CLTA: variants seen among roughly 807,000 people sequenced by gnomAD.
The protein encoded by CLTA is clathrin light chain A.
In CLTA, 9 loss-of-function variants were observed where a neutral mutation model predicts 26.9. The ratio of observed to expected loss-of-function variants is 0.33; its 90% CI spans 0.20 to 0.58. The LOEUF (loss-of-function observed/expected upper bound fraction) is 0.58. CLTA is among the 20% of genes least tolerant of loss of function. CLTA has a pLI of 0.85. For synonymous variants in CLTA, 120 were observed against 115.5 expected (o/e 1.04, Z -0.25); for missense variants, 278 against 294.2 (o/e 0.94, Z 0.40).
In CLTA at chr9:36,211,250, T is replaced by C. The variant is rs542424734; in HGVS notation, c.486-353T>C. Among the ~76,000 whole-genome samples, 5 of 152,334 alleles carry C rather than the reference T, an allele frequency of 3.3e-5. No individual in the cohort carries two copies. The South Asian group carries it at 1.0e-3, about 32-fold the overall frequency. ...TTCAGTACAGCCCAGCATAAACTAC[T>C]CAAGTTCTTGATCAGCCTGCTGCTT... On this transcript the variant is annotated intron_variant, in intron 4 of 4. Transcript: ENST00000345519.
chr9:36,207,165 G>A (rs1215162853), intron 4 of CLTA, among the ~76,000 whole-genome samples: 3 of 152,168 alleles, frequency 2.0e-5, no homozygotes, highest in Non-Finnish European at 2.9e-5. Flanking sequence ...TGGGTGTGCT[G>A]TACTCTATTG....
chr9:36,197,174 A>C (rs142961455), intron 1 of CLTA, among the ~76,000 whole-genome samples: 1 of 152,216 alleles, frequency 6.6e-6, no homozygotes, highest in African/African-American at 2.4e-5. Context: ...GACTGTCTCA[A>C]AGATGAAGCT....
At chr9:36,191,738 A>G (rs1013560172) in intron 1 of CLTA, among the ~76,000 whole-genome samples, 6 of 152,260 alleles carry the variant, frequency 3.9e-5, no homozygotes, top group Non-Finnish European at 8.8e-5. Flanking sequence ...GTAGCAATGC[A>G]GTTCAGCATT....
chr9:36,204,276 G>T lies in CLTA; in HGVS notation c.485+97G>T, dbSNP rs932002088. On this transcript the variant is annotated intron_variant, in intron 4 of 4. Transcript: ENST00000345519. ...CGGTTTTTGGCTTCTGCCTCCTTTA[G>T]TGTGAAATGTCTGCAGTTTTTAAAG... The T allele has an allele frequency of 5.3e-6, 7 of 1,314,396 alleles. No individual in the cohort carries two copies. In the African/African-American group the frequency reaches 8.9e-5, roughly 17 times the overall value. The allele number at this position is 1,314,396 out of a possible 1,614,324, so 81.4% of individuals were successfully genotyped here. A position where few individuals can be genotyped will look rare whatever the true frequency, so the allele number is the denominator to read the frequency against.
rs545910450 is a variant in CLTA, at chr9:36,190,945, C to A, written c.-112C>A. 32 of 1,427,150 alleles carry A rather than the reference C, an allele frequency of 2.2e-5. No homozygotes were observed. In the Admixed American group the frequency reaches 2.4e-4, roughly 11 times the overall value. 88.4% of individuals were successfully genotyped at this position (1,427,150 alleles called of 1,614,324 possible). On this transcript the variant is annotated 5_prime_UTR_variant, in exon 1 of 5. Transcript: ENST00000345519. ...TCCGCTTTACCCGTCTCCCTCCTGG[C>A]GCTTGTCCTCCTCTCCCAGTCGGCA...
chr9:36,203,504 A>G (rs1461986459), intron 3 of CLTA, among the ~76,000 whole-genome samples: 1 of 152,142 alleles, frequency 6.6e-6, no homozygotes, highest in Non-Finnish European at 1.5e-5. Context: ...TAATTGTCCT[A>G]ATAGCACCCT....
intron 3 of CLTA, among the ~76,000 whole-genome samples, chr9:36,202,748 G>T (rs1162854189): frequency 3.3e-5 from 5 of 152,114 alleles, no homozygotes; most frequent in Admixed American, 3.3e-4. Context: ...CCAGACAGAA[G>T]AACTTGTTTA....
chr9:36,210,650 A>T, intron 4 of CLTA: 1 of 1,614,198 alleles, frequency 6.2e-7, no homozygotes. Flanking sequence ...TCCTTGCTAC[A>T]GCCTAGAACA....
chr9:36,202,481 G>A (rs1194528266), intron 3 of CLTA, among the ~76,000 whole-genome samples: 2 of 152,212 alleles, frequency 1.3e-5, no homozygotes, highest in African/African-American at 2.4e-5. Flanking sequence ...CAGATCACTG[G>A]TGGTCACGTT....
At chr9:36,202,984 A>G (rs1364392048) in intron 3 of CLTA, among the ~76,000 whole-genome samples, 1 of 151,870 alleles carries the variant, frequency 6.6e-6, no homozygotes, top group African/African-American at 2.4e-5. Flanking sequence ...GGCATGCACC[A>G]CCACATCCAG....
intron 4 of CLTA, among the ~76,000 whole-genome samples, chr9:36,205,360 G>T (rs1827655712): frequency 6.6e-6 from 1 of 152,128 alleles, no homozygotes; most frequent in Admixed American, 6.5e-5. Context: ...GCTACGTGGG[G>T]CTGTTGTTGA....
chr9:36,197,057 C>T (rs1333278763), intron 1 of CLTA, among the ~76,000 whole-genome samples: 1 of 152,184 alleles, frequency 6.6e-6, no homozygotes, highest in Non-Finnish European at 1.5e-5. Flanking sequence ...TGCCTGCAAT[C>T]CCAGCTCCTG....
chr9:36,210,115 T>G (rs1477483968), intron 4 of CLTA, among the ~76,000 whole-genome samples: 3 of 148,960 alleles, frequency 2.0e-5, no homozygotes, highest in Non-Finnish European at 4.4e-5. Flanking sequence ...TCTTTTTTCT[T>G]TTTTTTAAGG....
rs760016572 is a variant in CLTA at position 36,211,761 on chromosome 9, C to T, written c.644C>T (p.Pro215Leu). 7 of 1,610,176 alleles carry T rather than the reference C, an allele frequency of 4.3e-6. No homozygotes were observed. Among genetic ancestry groups the T allele is most frequent in the African/African-American group, 1.3e-5 (1 of 74,826 alleles). Reference protein sequence around the residue: ...RSVLISLKQAPLVH With the variant: ...RSVLISLKQALLVH ...GTCCTCATCTCCCTCAAGCAGGCCC[C>T]GCTGGTGCACTGAAGAGCCACCCTG... The change falls in exon 5 of 5, where the codon CCG (proline) becomes CTG (leucine). Residue 215 changes from proline to leucine, a missense_variant. Transcript: ENST00000345519.
intron 1 of CLTA, among the ~76,000 whole-genome samples, chr9:36,193,576 G>T (rs1301037588): frequency 6.6e-6 from 1 of 152,196 alleles, no homozygotes; most frequent in Admixed American, 6.5e-5. Context: ...CTATTAGTGG[G>T]AGAAAGGAGT....
chr9:36,191,358 G>A (rs1826705412), intron 1 of CLTA, 85 bp downstream of exon 1: 7 of 1,382,720 alleles, frequency 5.1e-6, no homozygotes, highest in Non-Finnish European at 1.9e-6. Flanking sequence ...TGTGACTCGT[G>A]CTCCTTGCTG....
intron 3 of CLTA, among the ~76,000 whole-genome samples, chr9:36,203,168 G>A (rs937968259): frequency 1.3e-5 from 2 of 152,134 alleles, no homozygotes; most frequent in African/African-American, 4.8e-5. Flanking sequence ...ATCTACTGAT[G>A]TATGTCTCTT....
At chr9:36,191,992 A>G (rs1012907791) in intron 1 of CLTA, among the ~76,000 whole-genome samples, 1 of 152,206 alleles carries the variant, frequency 6.6e-6, no homozygotes, top group Non-Finnish European at 1.5e-5. Flanking sequence ...AGAGGTGAAT[A>G]GAGAATGTTC....
At position 36,211,595 on chromosome 9, in the gene CLTA, G is replaced by A. The variant is rs769811495; in HGVS notation, c.486-8G>A. On this transcript the variant is annotated splice_polypyrimidine_tract_variant and splice_region_variant and intron_variant, in intron 4 of 4. Coordinates refer to ENST00000345519, the MANE Select transcript of CLTA (RefSeq NM_001833.4). ...GCATAAACCAACATATTTTGTTGTT[G>A]CTTCCAGGGCAGCAGAAGAAGCCTT... The A allele has an allele frequency of 1.2e-6, 2 of 1,604,004 alleles. No homozygotes were observed. Among genetic ancestry groups the A allele is most frequent in the African/African-American group, 2.7e-5 (2 of 74,700 alleles).
Sources: gnomAD v4.1 joint callset for allele counts (sites outside exome capture counted in the v4.1 genomes callset) on GRCh38, gnomAD v4.1.1 for gene constraint, MANE v1.5 for transcripts, NCBI Gene and HGNC (gene_info 2026-07-23, HGNC 2026-07-21) for gene names.